STAB2: variants seen among roughly 807,000 people sequenced by gnomAD.
STAB2 encodes the protein stabilin 2.
In STAB2, 288 loss-of-function variants were observed where a neutral mutation model predicts 338.1. The observed-to-expected ratio is 0.85, with a 90% confidence interval of 0.77 to 0.94. STAB2 has a LOEUF of 0.94. STAB2 is among the 40% of genes least tolerant of loss of function. The pLI is 0.00. For missense variants in STAB2, 3,141 were observed against 3,210.1 expected (o/e 0.98, Z 0.52); for synonymous variants, 1,202 against 1,193.3 (o/e 1.01, Z -0.15).
rs12319242 is a variant in STAB2, at chr12:103,645,832, C to T, written c.1041-2858C>T. 2.8e-3 allele frequency among the ~76,000 whole-genome samples: 409 copies of T among 146,898 alleles called. 2 individuals are homozygous for T. The highest frequency in any genetic ancestry group is 9.9e-3 in the African/African-American group (399 of 40,350). On this transcript the variant is annotated intron_variant, in intron 9 of 68. Coordinates refer to ENST00000388887, the MANE Select transcript of STAB2 (RefSeq NM_017564.10). ...GGGCTGTGTAAGTAGATCCCCATCT[C>T]GGTTGTAGCAACCAAGGATGTCTCT...
At position 103,705,713 on chromosome 12, in the gene STAB2, G is replaced by T; in HGVS notation, c.3982G>T (p.Val1328Leu). 1 of 1,614,174 alleles carries T rather than the reference G, an allele frequency of 6.2e-7. No homozygotes were observed. Among genetic ancestry groups the T allele is most frequent in the Non-Finnish European group, 8.5e-7 (1 of 1,180,016 alleles). ...TLFIGCQPKC[V>L]RTVITRECCA... ...GTTTATTGGGTGCCAGCCAAAATGT[G>T]TGAGAACCGTCATTGTGAGTACAAT... The change falls in exon 37 of 69, where the codon GTG becomes TTG. Residue 1328 changes from valine to leucine, a missense_variant. Physicochemically the swap from Val to Leu is conservative, Grantham distance 32. Coordinates refer to ENST00000388887, the MANE Select transcript of STAB2 (RefSeq NM_017564.10).
In STAB2 at chr12:103,733,065, GC is replaced by G; in HGVS notation, c.5346del (p.Thr1783ProfsTer25). On this transcript the variant is annotated frameshift_variant, in exon 51 of 69. Coordinates refer to ENST00000388887, the MANE Select transcript of STAB2 (RefSeq NM_017564.10). LOFTEE classifies it high-confidence loss of function. ...PIHTPVTLFW[P>X]TDQALHALPA... ...TCCACACCCCAGTCACTCTCTTCTG[GC>G]CCACCGACCAAGCCCTCCATGCCCT... 1.2e-6 allele frequency: 2 copies of G among 1,614,034 alleles called. No homozygotes were observed. The highest frequency in any genetic ancestry group is 2.2e-5 in the South Asian group (2 of 91,078).
chr12:103,738,081 C>T (rs2139109848), intron 53 of STAB2, among the ~76,000 whole-genome samples: 1 of 152,302 alleles, frequency 6.6e-6, no homozygotes, highest in East Asian at 1.9e-4. Context: ...CATTCGTTTT[C>T]AAACACATCC....
intron 34 of STAB2, among the ~76,000 whole-genome samples, chr12:103,702,293 T>TA (rs1878954093): frequency 1.0e-5 from 1 of 100,448 alleles, no homozygotes; most frequent in African/African-American, 3.7e-5. Flanking sequence ...AATTATCAGT[T>TA]ATTTTTTTTT....
intron 23 of STAB2, among the ~76,000 whole-genome samples, 196 bp downstream of exon 23, chr12:103,674,283 C>T (rs1876124345): frequency 6.6e-6 from 1 of 152,122 alleles, no homozygotes; most frequent in South Asian, 2.1e-4. Flanking sequence ...TGCAGCACTC[C>T]CTGCTTTGAA....
chr12:103,690,723 G>C (rs540125840), intron 30 of STAB2, among the ~76,000 whole-genome samples, 185 bp downstream of exon 30: 1 of 152,160 alleles, frequency 6.6e-6, no homozygotes, highest in Admixed American at 6.5e-5. Flanking sequence ...ACATATACAC[G>C]TTACCCTATA....
chr12:103,741,301 G>A (rs1882565303), intron 55 of STAB2, among the ~76,000 whole-genome samples: 2 of 152,262 alleles, frequency 1.3e-5, no homozygotes, highest in South Asian at 4.1e-4. Flanking sequence ...ATCAACAGGT[G>A]CACGTAACAA....
chr12:103,636,970 TTTAAC>T, intron 6 of STAB2, 136 bp from the exon 7 acceptor site: 2 of 868,710 alleles, frequency 2.3e-6, no homozygotes, highest in Non-Finnish European at 1.6e-6. Context: ...AGAAGACAAT[TTTAAC>T]TTAACGTGTT....
At chr12:103,704,727 G>T (rs1460785942) in intron 36 of STAB2, 113 bp downstream of exon 36, 2 of 910,634 alleles carry the variant, frequency 2.2e-6, no homozygotes, top group East Asian at 2.7e-5. Context: ...CACTTAATTT[G>T]AATTACACTT....
intron 6 of STAB2, among the ~76,000 whole-genome samples, chr12:103,636,784 C>T (rs1957554487): frequency 6.6e-6 from 1 of 152,118 alleles, no homozygotes; most frequent in Non-Finnish European, 1.5e-5. Context: ...AAATACTATG[C>T]AGTTACTAGA....
intron 39 of STAB2, 107 bp downstream of exon 39, chr12:103,708,643 C>A (rs1427446607): frequency 4.9e-6 from 5 of 1,011,624 alleles, no homozygotes; most frequent in South Asian, 1.7e-5. Flanking sequence ...CTTCTTCTGG[C>A]AATAAACATG....
chr12:103,653,702 G>GGATGAATA, intron 12 of STAB2, among the ~76,000 whole-genome samples: 1 of 115,176 alleles, frequency 8.7e-6, no homozygotes, highest in Non-Finnish European at 1.8e-5. Flanking sequence ...GTCACTGGAT[G>GGATGAATA]GATGGATAGA....
intron 30 of STAB2, among the ~76,000 whole-genome samples, chr12:103,691,476 C>T (rs891151889): frequency 6.6e-6 from 1 of 152,066 alleles, no homozygotes; most frequent in Admixed American, 6.5e-5. Flanking sequence ...AAGTTATTTT[C>T]CATCAGGTTT....
chr12:103,707,045 C>T lies in STAB2; in HGVS notation c.4192+58C>T, dbSNP rs1879431908. On this transcript the variant is annotated intron_variant, in intron 38 of 68. Coordinates refer to ENST00000388887, the MANE Select transcript of STAB2 (RefSeq NM_017564.10). Reference sequence around the variant, plus strand: ...GCTGCTGAAACCAACCAGGAATATGCAGGGAAAGAGTGATCCCACACGTGC... The same window carrying T: ...GCTGCTGAAACCAACCAGGAATATGTAGGGAAAGAGTGATCCCACACGTGC... 8.8e-6 allele frequency: 14 copies of T among 1,582,090 alleles called. No homozygotes were observed. In the Admixed American group the frequency reaches 2.2e-4, roughly 25 times the overall value.
chr12:103,760,421 C>T (rs564080083), intron 65 of STAB2, among the ~76,000 whole-genome samples: 1 of 152,166 alleles, frequency 6.6e-6, no homozygotes, highest in Admixed American at 6.5e-5. Context: ...CCACCACACT[C>T]AGCTGATTTT....
intron 3 of STAB2, among the ~76,000 whole-genome samples, chr12:103,595,398 G>C: frequency 6.6e-6 from 1 of 151,864 alleles, no homozygotes; most frequent in East Asian, 1.9e-4. Flanking sequence ...CACTTGTAAA[G>C]TTTACAAAGG....
At chr12:103,635,025 G>A (rs969261779) in intron 6 of STAB2, among the ~76,000 whole-genome samples, 1 of 152,208 alleles carries the variant, frequency 6.6e-6, no homozygotes, top group Admixed American at 6.5e-5. Context: ...AGGGGTGGGG[G>A]AATAGTCTCT....
chr12:103,717,710 C>A, intron 43 of STAB2, 60 bp from the exon 44 acceptor site: 1 of 1,484,236 alleles, frequency 6.7e-7, no homozygotes, highest in Non-Finnish European at 9.4e-7. Context: ...AGAGCCAGAC[C>A]ATGCGGCCAG....
chr12:103,710,656 G>T (rs1215068691), intron 39 of STAB2, among the ~76,000 whole-genome samples: 1 of 152,208 alleles, frequency 6.6e-6, no homozygotes, highest in Non-Finnish European at 1.5e-5. Flanking sequence ...GAAAGGGATT[G>T]TTTAGGCTCA....
Sources: allele counts gnomAD v4.1 joint callset (sites outside exome capture counted in the v4.1 genomes callset), GRCh38; gene constraint gnomAD v4.1.1; transcripts MANE v1.5; gene names NCBI Gene and HGNC (gene_info 2026-07-23, HGNC 2026-07-21).